DYRK1A: variants seen among roughly 807,000 people sequenced by gnomAD.
The protein encoded by DYRK1A is dual specificity tyrosine phosphorylation regulated kinase 1A, also known as dual specificity tyrosine-phosphorylation-regulated kinase 1A.
DYRK1A carries 9 observed loss-of-function variants against 79.7 expected under a neutral mutation model. The observed-to-expected ratio is 0.11, with a 90% CI of 0.07 to 0.20. DYRK1A has a LOEUF of 0.20. DYRK1A is among the 10% of genes least tolerant of loss of function. The pLI, the probability that DYRK1A is intolerant of heterozygous loss-of-function variation, is 1.00. For missense variants in DYRK1A, 622 were observed against 956.0 expected, an observed-to-expected ratio of 0.65 and a Z score of 4.61; for synonymous variants, 349 against 329.7, an observed-to-expected ratio of 1.06 and a Z score of -0.63.
At position 37,496,106 on chromosome 21, in the gene DYRK1A, T is replaced by C; in HGVS notation, c.1072-12T>C. On this transcript the variant is annotated splice_polypyrimidine_tract_variant and intron_variant, in intron 8 of 11. Transcript: ENST00000647188. Reference sequence around the variant, plus strand: ...GAAATTACAGGTTTTGTTGTTTTTATTTTTAATACAGGTAGATCAGATGAA... The same window carrying C: ...GAAATTACAGGTTTTGTTGTTTTTACTTTTAATACAGGTAGATCAGATGAA... The C allele has an allele frequency of 1.3e-6, 2 of 1,594,830 alleles. No individual in the cohort carries two copies. The highest frequency in any genetic ancestry group is 8.5e-7 in the Non-Finnish European group (1 of 1,174,656).
intron 4 of DYRK1A, 67 bp downstream of exon 4, chr21:37,478,367 AT>A: frequency 6.8e-7 from 1 of 1,475,212 alleles, no homozygotes; most frequent in Non-Finnish European, 9.3e-7. Flanking sequence ...AGTGTGACCT[AT>A]TTACCCTAAA....
intron 2 of DYRK1A, among the ~76,000 whole-genome samples, chr21:37,458,174 C>G (rs567742260): frequency 6.6e-6 from 1 of 151,348 alleles, no homozygotes; most frequent in African/African-American, 2.4e-5. Flanking sequence ...TTTGTACTTA[C>G]GGGTTTCTTG....
At chr21:37,397,617 C>CA (rs954443786) in intron 1 of DYRK1A, among the ~76,000 whole-genome samples, 5 of 152,164 alleles carry the variant, frequency 3.3e-5, no homozygotes, top group Admixed American at 2.0e-4. Context: ...TGAATATCAC[C>CA]AGGCCTCTTG....
intron 1 of DYRK1A, among the ~76,000 whole-genome samples, chr21:37,383,579 A>G (rs1381895253): frequency 6.6e-6 from 1 of 152,264 alleles, no homozygotes; most frequent in African/African-American, 2.4e-5. Context: ...AAGAGTTCAC[A>G]GCATATATTA....
At chr21:37,489,027 TTATTC>T (rs1477634123) in intron 6 of DYRK1A, among the ~76,000 whole-genome samples, 1 of 152,148 alleles carries the variant, frequency 6.6e-6, no homozygotes, top group Admixed American at 6.5e-5. Context: ...ATTGTGTTAC[TTATTC>T]TAACTTTAGA....
intron 1 of DYRK1A, among the ~76,000 whole-genome samples, chr21:37,401,970 A>G (rs2050062065): frequency 6.6e-6 from 1 of 152,172 alleles, no homozygotes; most frequent in African/African-American, 2.4e-5. Flanking sequence ...CCTACTTCAC[A>G]CTGACAATTT....
In DYRK1A at chr21:37,517,953, G is replaced by C. The variant is rs1220515279; in HGVS notation, c.*5422G>C. ...TTGTCACGCAAGCTGGAGTTTGGTG[G>C]TGTGATTGCAGCTCACTGCAGCCTT... On this transcript the variant is annotated 3_prime_UTR_variant, in exon 12 of 12. Transcript: ENST00000647188. 2 of 152,176 alleles carry C rather than the reference G, an allele frequency of 1.3e-5. No individual in the cohort carries two copies. Among genetic ancestry groups the C allele is most frequent in the Non-Finnish European group, 1.5e-5 (1 of 68,044 alleles). The allele number at this position is 152,176 out of a possible 1,614,324, so 9.4% of individuals were successfully genotyped here.
At position 37,472,627 on chromosome 21, in the gene DYRK1A, A is replaced by G. The variant is rs548118886; in HGVS notation, c.11-57A>G. 5.6e-5 allele frequency: 77 copies of G among 1,386,242 alleles called. 1 individual carries two copies. In the East Asian group the frequency reaches 1.7e-3, roughly 31 times the overall value. The allele number at this position is 1,386,242 out of a possible 1,614,324, so 85.9% of individuals were successfully genotyped here. A position where few individuals can be genotyped will look rare whatever the true frequency, so the allele number is the denominator to read the frequency against. On this transcript the variant is annotated intron_variant, in intron 2 of 11. Transcript: ENST00000647188. ...TTTAAGGAACCATTAGATATGTCAA[A>G]TGATACAAACATTAGGATATGAATA...
chr21:37,494,785 T>C (rs2053209053), intron 8 of DYRK1A, among the ~76,000 whole-genome samples: 1 of 151,920 alleles, frequency 6.6e-6, no homozygotes, highest in Non-Finnish European at 1.5e-5. Flanking sequence ...CCGTCTCTAC[T>C]AAAAATAGAA....
rs776541736 is a variant in DYRK1A, at chr21:37,472,728, C to T, written c.55C>T (p.Pro19Ser). ...CAAACCTTCATCTGTTCGGCTTGCACCGTCATTTTCATTCCATGCTGCTGG... is the reference window on the plus strand; with the variant it reads ...CAAACCTTCATCTGTTCGGCTTGCATCGTCATTTTCATTCCATGCTGCTGG... The part of the protein sequence containing the change: ...ACKPSSVRLA[P>S]SFSFHAAGLQ... Residue 19 changes from proline (P) to serine (S), a missense_variant, in exon 3 of 12, where the codon CCG (proline) becomes TCG (serine). Transcript: ENST00000647188. 5.6e-6 allele frequency: 9 copies of T among 1,610,358 alleles called. No individual in the cohort carries two copies. The South Asian group carries it at 7.7e-5, about 14-fold the overall frequency.
At chr21:37,465,718 T>C (rs2052002909) in intron 2 of DYRK1A, among the ~76,000 whole-genome samples, 1 of 151,982 alleles carries the variant, frequency 6.6e-6, no homozygotes, top group Non-Finnish European at 1.5e-5. Flanking sequence ...GTGCCTGTAA[T>C]CCCAGCTAGT....
chr21:37,392,055 A>T (rs2049880426), intron 1 of DYRK1A, among the ~76,000 whole-genome samples: 1 of 152,228 alleles, frequency 6.6e-6, no homozygotes, highest in Non-Finnish European at 1.5e-5. Flanking sequence ...TGTTGAGTAA[A>T]TTGCCCAAGG....
At chr21:37,418,380 G>T (rs2050398875) in intron 1 of DYRK1A, among the ~76,000 whole-genome samples, 1 of 152,128 alleles carries the variant, frequency 6.6e-6, no homozygotes, top group Non-Finnish European at 1.5e-5. Context: ...CTTACCTTTA[G>T]ATTTTTAAAA....
rs949313713 is a variant in DYRK1A, at chr21:37,517,459, A to T, written c.*4928A>T. On this transcript the variant is annotated 3_prime_UTR_variant, in exon 12 of 12. Transcript: ENST00000647188. ...AATTTCTAAAATTGCTACTTTGGGA[A>T]TTTTTTTCTTTATTCTTGTAAAGTT... 1 of 152,138 alleles carries T rather than the reference A, an allele frequency of 6.6e-6. No individual in the cohort carries two copies. Among genetic ancestry groups the T allele is most frequent in the East Asian group, 1.9e-4 (1 of 5,196 alleles). The allele number at this position is 152,138 out of a possible 1,614,324, so 9.4% of individuals were successfully genotyped here. A position where few individuals can be genotyped will look rare whatever the true frequency, so the allele number is the denominator to read the frequency against.
At chr21:37,417,540 T>TTTTTTTTTC (rs2050378239) in intron 1 of DYRK1A, among the ~76,000 whole-genome samples, 1 of 118,368 alleles carries the variant, frequency 8.4e-6, no homozygotes, top group Non-Finnish European at 1.9e-5. Flanking sequence ...TTTTTTTTTT[T>TTTTTTTTTC]TTTTTTTTTT....
intron 2 of DYRK1A, among the ~76,000 whole-genome samples, chr21:37,471,850 C>T (rs892845718): frequency 2.6e-5 from 4 of 152,136 alleles, no homozygotes; most frequent in African/African-American, 9.7e-5. Context: ...TCTAGTCATT[C>T]TTGTTGACCA....
At chr21:37,419,371 A>T (rs2835727) in intron 1 of DYRK1A, 21,929 of 152,122 alleles carry the variant, frequency 0.14, 2,113 homozygotes, top group African/African-American at 0.26. Context: ...AAAGGAAAAC[A>T]GCTTATTTTA....
chr21:37,429,237 A>G (rs1400246840), intron 2 of DYRK1A, among the ~76,000 whole-genome samples: 1 of 151,904 alleles, frequency 6.6e-6, no homozygotes, highest in Non-Finnish European at 1.5e-5. Context: ...CTTAAAAACC[A>G]TTGTTGAGTG....
intron 2 of DYRK1A, among the ~76,000 whole-genome samples, chr21:37,452,757 G>GTTT (rs35209884): frequency 3.1e-5 from 3 of 96,542 alleles, no homozygotes; most frequent in Non-Finnish European, 4.1e-5. Flanking sequence ...TCACACTCCC[G>GTTT]TTTTTTTTTT....
Sources: allele counts gnomAD v4.1 joint callset (sites outside exome capture counted in the v4.1 genomes callset), GRCh38; gene constraint gnomAD v4.1.1; transcripts MANE v1.5; gene names NCBI Gene and HGNC (gene_info 2026-07-23, HGNC 2026-07-21).